Variants in FNDC3B observed in about 807,000 individuals in gnomAD.
FNDC3B encodes the protein fibronectin type III domain containing 3B, also known as fibronectin type III domain-containing protein 3B.
A neutral mutation model predicts 151.5 loss-of-function variants in FNDC3B; 12 were observed. That is an observed-to-expected ratio of 0.08 (90% CI 0.05 to 0.13). The LOEUF (loss-of-function observed/expected upper bound fraction) is 0.13, where lower values mean the gene tolerates loss of function less well. Ranked by LOEUF, FNDC3B falls within the 10% of genes least tolerant of loss-of-function variation. The probability of loss-of-function intolerance (pLI) is 1.00; values close to 1 mark genes in which losing one functional copy is unlikely to be tolerated. For missense variants in FNDC3B, 1,214 were observed against 1,505.3 expected (o/e 0.81, Z 3.20); for synonymous variants, 528 against 549.0 (o/e 0.96, Z 0.54).
At chr3:172,377,378 T>C (rs1735206940) in intron 23 of FNDC3B, among the ~76,000 whole-genome samples, 1 of 152,220 alleles carries the variant, frequency 6.6e-6, no homozygotes, top group African/African-American at 2.4e-5. Flanking sequence ...TATGGGAAGT[T>C]ATGTTATTTC....
intron 1 of FNDC3B, among the ~76,000 whole-genome samples, chr3:172,097,738 AC>A (rs1392270640): frequency 2.0e-5 from 3 of 152,218 alleles, no homozygotes; most frequent in Non-Finnish European, 4.4e-5. Context: ...TATTGTGAAC[AC>A]TTCCTCATAG....
Position 172,108,807 on chromosome 3 carries a change from G to A in FNDC3B, c.-28-3645G>A, listed in dbSNP as rs1052507513. Among the ~76,000 whole-genome samples, 7 of 152,172 alleles carry A rather than the reference G, an allele frequency of 4.6e-5. No homozygotes were observed. In the South Asian group the frequency reaches 6.2e-4, roughly 14 times the overall value. ...TACTACTGTGAACGCTAAGTTTTAT[G>A]TTTTCATGCTTTTATGCTTTTCCTC... On this transcript the variant is annotated intron_variant, in intron 1 of 25. Transcript: ENST00000415807.
At chr3:172,159,419 A>G (rs920735517) in intron 3 of FNDC3B, among the ~76,000 whole-genome samples, 5 of 152,220 alleles carry the variant, frequency 3.3e-5, no homozygotes, top group African/African-American at 1.2e-4. Flanking sequence ...AGTAAGTCTT[A>G]ACATTGCATC....
chr3:172,129,391 G>A (rs1720959204), intron 2 of FNDC3B, among the ~76,000 whole-genome samples: 1 of 152,146 alleles, frequency 6.6e-6, no homozygotes, highest in Non-Finnish European at 1.5e-5. Flanking sequence ...GATACTATTG[G>A]CACCTGGTTA....
intron 12 of FNDC3B, chr3:172,330,253 C>T (rs1472096029): frequency 3.7e-6 from 1 of 268,892 alleles, no homozygotes; most frequent in Admixed American, 5.2e-5. Context: ...ATAATGCCCA[C>T]ACGTCACTTC....
chr3:172,173,803 G>GAGCA (rs1723405871), intron 3 of FNDC3B, among the ~76,000 whole-genome samples: 1 of 143,674 alleles, frequency 7.0e-6, no homozygotes. Flanking sequence ...TTGGGCAACA[G>GAGCA]AGCAAGACCC....
chr3:172,257,833 C>T (rs1174329913), intron 6 of FNDC3B, among the ~76,000 whole-genome samples: 1 of 152,144 alleles, frequency 6.6e-6, no homozygotes, highest in Non-Finnish European at 1.5e-5. Flanking sequence ...TGGGGCCCAC[C>T]AATCTATGTT....
intron 1 of FNDC3B, among the ~76,000 whole-genome samples, chr3:172,045,493 T>G (rs2108451083): frequency 6.6e-6 from 1 of 152,342 alleles, no homozygotes; most frequent in South Asian, 2.1e-4. Context: ...TTAGGCCTTG[T>G]ATGTTACCTT....
intron 3 of FNDC3B, among the ~76,000 whole-genome samples, chr3:172,222,760 G>A (rs1726351178): frequency 6.6e-6 from 1 of 152,216 alleles, no homozygotes; most frequent in Admixed American, 6.5e-5. Context: ...CTGCTGTGCA[G>A]CCCATTTCCT....
At chr3:172,233,253 A>G (rs984235637) in intron 4 of FNDC3B, among the ~76,000 whole-genome samples, 12 of 152,318 alleles carry the variant, frequency 7.9e-5, no homozygotes, top group African/African-American at 2.9e-4. Flanking sequence ...TTAATGTTCT[A>G]TCATTTGGGA....
intron 3 of FNDC3B, among the ~76,000 whole-genome samples, chr3:172,190,379 AT>A (rs779530204): frequency 5.9e-5 from 9 of 152,224 alleles, no homozygotes; most frequent in Non-Finnish European, 1.3e-4. Flanking sequence ...CTCAACAGCT[AT>A]GGGAGTTATC....
intron 11 of FNDC3B, among the ~76,000 whole-genome samples, chr3:172,327,274 G>T (rs973679519): frequency 6.6e-6 from 1 of 152,106 alleles, no homozygotes; most frequent in African/African-American, 2.4e-5. Flanking sequence ...TTGATAAAAT[G>T]AACTTTCAAT....
intron 3 of FNDC3B, among the ~76,000 whole-genome samples, chr3:172,188,169 A>G (rs1724301659): frequency 6.8e-6 from 1 of 148,114 alleles, no homozygotes; most frequent in Non-Finnish European, 1.5e-5. Flanking sequence ...CTAATTTTGT[A>G]TTTTTAGTAG....
chr3:172,293,030 C>T (rs1476413968), intron 7 of FNDC3B, among the ~76,000 whole-genome samples: 1 of 152,126 alleles, frequency 6.6e-6, no homozygotes, highest in Non-Finnish European at 1.5e-5. Context: ...CTTAAGAGTC[C>T]CTCTGTGTTC....
At chr3:172,131,150 A>G (rs1357349559) in intron 2 of FNDC3B, among the ~76,000 whole-genome samples, 3 of 152,156 alleles carry the variant, frequency 2.0e-5, no homozygotes, top group Non-Finnish European at 4.4e-5. Context: ...TAATCCCAGC[A>G]CTTTGGGAGG....
intron 4 of FNDC3B, among the ~76,000 whole-genome samples, chr3:172,242,513 T>C (rs1377751305): frequency 6.6e-6 from 1 of 152,190 alleles, no homozygotes; most frequent in Non-Finnish European, 1.5e-5. Context: ...CAACGCCACA[T>C]GGAAGCTACC....
At chr3:172,136,057 GA>G (rs1391597298) in intron 3 of FNDC3B, among the ~76,000 whole-genome samples, 6 of 152,280 alleles carry the variant, frequency 3.9e-5, no homozygotes, top group South Asian at 4.2e-4. Context: ...GAGGCCTGTC[GA>G]AAAGTCACAA....
intron 21 of FNDC3B, among the ~76,000 whole-genome samples, chr3:172,351,874 G>A (rs111904556): frequency 1.5e-3 from 224 of 152,328 alleles, no homozygotes; most frequent in African/African-American, 5.3e-3. Context: ...GAGGAGCTGT[G>A]TGGACATTTG....
intron 2 of FNDC3B, among the ~76,000 whole-genome samples, chr3:172,130,038 A>T (rs1720992686): frequency 6.6e-6 from 1 of 151,972 alleles, no homozygotes; most frequent in Non-Finnish European, 1.5e-5. Context: ...AACTTGTATG[A>T]TAGGAAAGGT....
Sources: allele counts gnomAD v4.1 joint callset (sites outside exome capture counted in the v4.1 genomes callset), GRCh38; gene constraint gnomAD v4.1.1; transcripts MANE v1.5; gene names NCBI Gene and HGNC (gene_info 2026-07-23, HGNC 2026-07-21).